The following HS6ST3 variants were observed in gnomAD, a reference collection of about 807,000 sequenced individuals.
HS6ST3 encodes heparan-sulfate 6-O-sulfotransferase 3.
HS6ST3 carries 12 observed loss-of-function variants against 36.7 expected under a neutral mutation model. The observed-to-expected ratio is 0.33, with a 90% CI of 0.21 to 0.53. The LOEUF (loss-of-function observed/expected upper bound fraction) is 0.53, where lower values mean the gene tolerates loss of function less well. Among genes scored for constraint, HS6ST3 ranks in the 20% least tolerant of loss-of-function variants. HS6ST3 has a pLI of 0.95. For synonymous variants in HS6ST3, 240 were observed against 257.5 expected (o/e 0.93, Z 0.65); for missense variants, 584 against 640.9 (o/e 0.91, Z 0.96).
intron 1 of HS6ST3, among the ~76,000 whole-genome samples, chr13:96,497,618 G>A (rs931127565): frequency 2.6e-5 from 4 of 152,038 alleles, no homozygotes; most frequent in Non-Finnish European, 4.4e-5. Flanking sequence ...GGCCCTCAAA[G>A]TGATCCTTTG....
chr13:96,294,167 G>A (rs933475963), intron 1 of HS6ST3, among the ~76,000 whole-genome samples: 6 of 152,114 alleles, frequency 3.9e-5, no homozygotes, highest in East Asian at 1.9e-4. Context: ...AGACTTCTAC[G>A]CAGAGAATTA....
chr13:96,339,530 G>A (rs2055119510), intron 1 of HS6ST3, among the ~76,000 whole-genome samples: 1 of 152,208 alleles, frequency 6.6e-6, no homozygotes, highest in African/African-American at 2.4e-5. Flanking sequence ...GAGAGCAGAA[G>A]CCACTAAAGT....
chr13:96,837,115 G>C lies in HS6ST3; in HGVS notation c.*3917G>C, dbSNP rs1594871889. The C allele has an allele frequency of 2.0e-5, 3 of 152,118 alleles. No individual in the cohort carries two copies. Among genetic ancestry groups the C allele is most frequent in the Middle Eastern group, 3.2e-3 (1 of 316 alleles). 9.4% of individuals were successfully genotyped at this position (152,118 alleles called of 1,614,324 possible). On this transcript the variant is annotated 3_prime_UTR_variant, in exon 2 of 2. Transcript: ENST00000376705. ...GTCATGTGCCTTGATAAGCATAGGA[G>C]GTTCTGTTATTAAAGAAACAATGTG...
At chr13:96,348,266 T>A (rs768699468) in intron 1 of HS6ST3, among the ~76,000 whole-genome samples, 3 of 152,218 alleles carry the variant, frequency 2.0e-5, no homozygotes, top group Non-Finnish European at 2.9e-5. Flanking sequence ...GAAGGCCATC[T>A]TGGAAGGTGT....
At chr13:96,142,487 G>T (rs574777604) in intron 1 of HS6ST3, among the ~76,000 whole-genome samples, 1 of 152,216 alleles carries the variant, frequency 6.6e-6, no homozygotes, top group African/African-American at 2.4e-5. Flanking sequence ...CCTAAGGCAG[G>T]TGTCTCAGCT....
At chr13:96,202,500 G>A (rs1232560585) in intron 1 of HS6ST3, among the ~76,000 whole-genome samples, 2 of 152,106 alleles carry the variant, frequency 1.3e-5, no homozygotes, top group Non-Finnish European at 2.9e-5. Context: ...CCATGCCGTG[G>A]CTTCCTGCTC....
chr13:96,195,196 A>G (rs2054306432), intron 1 of HS6ST3, among the ~76,000 whole-genome samples: 1 of 152,212 alleles, frequency 6.6e-6, no homozygotes, highest in African/African-American at 2.4e-5. Flanking sequence ...AATAGCATTA[A>G]CAGACCCACA....
chr13:96,108,918 C>A (rs960320783), intron 1 of HS6ST3, among the ~76,000 whole-genome samples: 15 of 152,052 alleles, frequency 9.9e-5, no homozygotes, highest in African/African-American at 3.6e-4. Context: ...CACAGGGCAG[C>A]ATTCCATGAA....
intron 1 of HS6ST3, among the ~76,000 whole-genome samples, chr13:96,326,521 G>T (rs1277894725): frequency 6.6e-6 from 1 of 151,946 alleles, no homozygotes; most frequent in East Asian, 1.9e-4. Flanking sequence ...CATTTTTCAT[G>T]GCTGCATAGT....
intron 1 of HS6ST3, among the ~76,000 whole-genome samples, chr13:96,769,600 A>G (rs187116898): frequency 1.9e-3 from 287 of 151,990 alleles, no homozygotes; most frequent in African/African-American, 6.4e-3. Context: ...AATTATTAAT[A>G]TTTATTACTG....
rs2053759933 is a variant in HS6ST3, at chr13:96,091,046, C to T, written c.184C>T (p.Pro62Ser). 8 of 1,256,870 alleles carry T rather than the reference C, an allele frequency of 6.4e-6. No individual in the cohort carries two copies. Among genetic ancestry groups the T allele is most frequent in the Non-Finnish European group, 8.0e-6 (8 of 1,002,220 alleles). 77.9% of individuals were successfully genotyped at this position (1,256,870 alleles called of 1,614,324 possible). The change falls in exon 1 of 2, where the codon CCG (proline) becomes TCG (serine). Residue 62 changes from proline to serine, a missense_variant. Transcript: ENST00000376705. The part of the protein sequence containing the change: ...PGPARRAQAP[P>S]EEWERRPQLP... ...TCCCGCCCGCCGGGCTCAGGCGCCG[C>T]CGGAGGAGTGGGAGCGGCGGCCCCA... is the stretch of plus-strand genomic sequence containing the variant.
chr13:96,351,804 A>G lies in HS6ST3; in HGVS notation c.707+260235A>G, dbSNP rs551770634. 2.6e-5 allele frequency among the ~76,000 whole-genome samples: 4 copies of G among 152,358 alleles called. No homozygotes were observed. The East Asian group carries it at 5.8e-4, about 22-fold the overall frequency. ...TAGAAGGTGAAATTATTATTTGCAT[A>G]TGGTATGATTGCCCATCTGAAAAAT... On this transcript the variant is annotated intron_variant, in intron 1 of 1. Transcript: ENST00000376705.
At chr13:96,643,670 C>T (rs751510003) in intron 1 of HS6ST3, among the ~76,000 whole-genome samples, 10 of 151,810 alleles carry the variant, frequency 6.6e-5, no homozygotes, top group Non-Finnish European at 1.3e-4. Context: ...CAAGTACCAA[C>T]AGCCCTGTGA....
At chr13:96,624,516 G>A (rs1336271427) in intron 1 of HS6ST3, among the ~76,000 whole-genome samples, 6 of 151,996 alleles carry the variant, frequency 3.9e-5, no homozygotes, top group Admixed American at 6.6e-5. Flanking sequence ...GTGTAATGCC[G>A]AGCTTTAGGG....
chr13:96,195,380 A>T (rs1451021075), intron 1 of HS6ST3, among the ~76,000 whole-genome samples: 1 of 152,092 alleles, frequency 6.6e-6, no homozygotes, highest in South Asian at 2.1e-4. Context: ...TTAAAAAAAC[A>T]CTCTTTGCAG....
intron 1 of HS6ST3, among the ~76,000 whole-genome samples, chr13:96,464,138 C>CA (rs67305199): frequency 0.27 from 10,258 of 38,664 alleles, 1,606 homozygotes; most frequent in Middle Eastern, 0.33. Flanking sequence ...TGTCAGGCCT[C>CA]AAAAAAAAAA....
chr13:96,124,427 T>G (rs2053940664), intron 1 of HS6ST3, among the ~76,000 whole-genome samples: 1 of 152,170 alleles, frequency 6.6e-6, no homozygotes, highest in South Asian at 2.1e-4. Flanking sequence ...ACACATCTCC[T>G]TTCTTATTTA....
chr13:96,353,766 G>T (rs1473684243), intron 1 of HS6ST3, among the ~76,000 whole-genome samples: 1 of 152,010 alleles, frequency 6.6e-6, no homozygotes, highest in Non-Finnish European at 1.5e-5. Context: ...ATAAAGAAAA[G>T]ATGTTTAATT....
intron 1 of HS6ST3, among the ~76,000 whole-genome samples, chr13:96,413,432 C>T (rs1041814656): frequency 6.6e-5 from 10 of 152,072 alleles, no homozygotes; most frequent in African/African-American, 1.2e-4. Flanking sequence ...TTTCAGTAAA[C>T]ATATGGTCAG....
Sources: gnomAD v4.1 joint callset for allele counts (sites outside exome capture counted in the v4.1 genomes callset) on GRCh38, gnomAD v4.1.1 for gene constraint, MANE v1.5 for transcripts, NCBI Gene and HGNC (gene_info 2026-07-23, HGNC 2026-07-21) for gene names.